NAV3: variants seen among roughly 807,000 people sequenced by gnomAD.
NAV3 encodes pore membrane and/or filament interacting like protein 1.
Under a neutral mutation model 244.7 loss-of-function variants are expected in NAV3, and 87 were observed. The ratio of observed to expected loss-of-function variants is 0.36; its 90% confidence interval spans 0.30 to 0.42. The LOEUF (loss-of-function observed/expected upper bound fraction) is 0.42, where lower values mean the gene tolerates loss of function less well. NAV3 is among the 20% of genes least tolerant of loss of function. The pLI is 1.00. For synonymous variants in NAV3, 1,126 were observed against 1,042.2 expected, an observed-to-expected ratio of 1.08 and a Z score of -1.55; for missense variants, 2,663 against 2,893.3, an observed-to-expected ratio of 0.92 and a Z score of 1.83.
intron 2 of NAV3, among the ~76,000 whole-genome samples, chr12:77,599,516 A>G (rs1031451713): frequency 1.3e-5 from 2 of 151,896 alleles, no homozygotes; most frequent in Non-Finnish European, 2.9e-5. Context: ...GTTTGTTAAA[A>G]TATAATTTTA....
intron 1 of NAV3, among the ~76,000 whole-genome samples, chr12:77,931,584 C>A (rs1888795872): frequency 6.6e-6 from 1 of 151,956 alleles, no homozygotes; most frequent in Admixed American, 6.6e-5. Context: ...TACTTGGAAG[C>A]GGCCAGGTGC....
At chr12:78,083,519 C>A (rs570992666) in intron 12 of NAV3, among the ~76,000 whole-genome samples, 4 of 152,238 alleles carry the variant, frequency 2.6e-5, no homozygotes, top group African/African-American at 9.6e-5. Flanking sequence ...CTTTCTAACA[C>A]TACTGTTATT....
intron 5 of NAV3, among the ~76,000 whole-genome samples, chr12:77,987,852 G>A (rs971532005): frequency 1.3e-5 from 2 of 152,128 alleles, no homozygotes; most frequent in Non-Finnish European, 2.9e-5. Context: ...GAAGGAAGGA[G>A]TCGATTATAT....
intron 11 of NAV3, among the ~76,000 whole-genome samples, chr12:78,053,746 A>G (rs150097385): frequency 6.6e-6 from 1 of 152,222 alleles, no homozygotes; most frequent in Non-Finnish European, 1.5e-5. Context: ...ATTAGAGCTG[A>G]TACAAGAACA....
At chr12:78,010,399 T>C (rs1282428382) in intron 8 of NAV3, among the ~76,000 whole-genome samples, 3 of 152,216 alleles carry the variant, frequency 2.0e-5, no homozygotes, top group Admixed American at 6.5e-5. Context: ...TATTATCATT[T>C]GTTGAGTGCT....
intron 1 of NAV3, among the ~76,000 whole-genome samples, chr12:77,914,974 A>C (rs1886981551): frequency 1.3e-5 from 2 of 151,954 alleles, no homozygotes; most frequent in Admixed American, 1.3e-4. Flanking sequence ...TTAATTTCTA[A>C]AGATCTTTTT....
chr12:77,621,701 A>T (rs1409862802), intron 2 of NAV3, among the ~76,000 whole-genome samples: 1 of 151,712 alleles, frequency 6.6e-6, no homozygotes, highest in African/African-American at 2.4e-5. Flanking sequence ...AATGGTCTTG[A>T]TCTCTTGACC....
At chr12:78,023,079 T>A (rs566518619) in intron 9 of NAV3, among the ~76,000 whole-genome samples, 131 of 152,320 alleles carry the variant, frequency 8.6e-4, no homozygotes, top group African/African-American at 3.1e-3. Flanking sequence ...TATGACCAGA[T>A]GTTTTATAAA....
chr12:77,765,049 A>G (rs1869669512), intron 2 of NAV3, among the ~76,000 whole-genome samples: 1 of 152,244 alleles, frequency 6.6e-6, no homozygotes, highest in Non-Finnish European at 1.5e-5. Flanking sequence ...TTAAAATAGT[A>G]TTTGGAAAGG....
At chr12:77,816,667 G>T (rs1185467699) in intron 2 of NAV3, among the ~76,000 whole-genome samples, 1 of 152,066 alleles carries the variant, frequency 6.6e-6, no homozygotes, top group Non-Finnish European at 1.5e-5. Flanking sequence ...ATCACTTATG[G>T]ATTCAATGTG....
chr12:77,899,265 A>G (rs959037350), intron 1 of NAV3, among the ~76,000 whole-genome samples: 1 of 152,246 alleles, frequency 6.6e-6, no homozygotes, highest in African/African-American at 2.4e-5. Flanking sequence ...TCTAATTTTC[A>G]AAGAAGTTCT....
intron 2 of NAV3, among the ~76,000 whole-genome samples, chr12:77,627,344 C>G (rs1176160283): frequency 6.6e-6 from 1 of 152,008 alleles, no homozygotes; most frequent in Non-Finnish European, 1.5e-5. Context: ...AAACAAAATA[C>G]TTTTTATAAA....
chr12:78,159,327 C>A, intron 23 of NAV3, 41 bp downstream of exon 23: 1 of 1,488,666 alleles, frequency 6.7e-7, no homozygotes, highest in South Asian at 1.1e-5. Flanking sequence ...AAGAAGACAG[C>A]AAATTGCATA....
chr12:77,969,143 TG>T (rs973185596), intron 5 of NAV3, among the ~76,000 whole-genome samples: 6 of 20,754 alleles, frequency 2.9e-4, no homozygotes. Context: ...GTGTTTTTGA[TG>T]TGTGTGTGTG....
chr12:78,065,894 G>A (rs947228297), intron 12 of NAV3, among the ~76,000 whole-genome samples: 3 of 152,138 alleles, frequency 2.0e-5, no homozygotes, highest in African/African-American at 4.8e-5. Flanking sequence ...ACAAAATAAG[G>A]TGATAAGTCT....
At chr12:77,785,889 T>C (rs1870882411) in intron 2 of NAV3, among the ~76,000 whole-genome samples, 1 of 152,220 alleles carries the variant, frequency 6.6e-6, no homozygotes, top group African/African-American at 2.4e-5. Context: ...TTTTACTTCT[T>C]GTTACAAATT....
At chr12:78,063,341 A>G (rs1884567402) in intron 12 of NAV3, among the ~76,000 whole-genome samples, 1 of 152,178 alleles carries the variant, frequency 6.6e-6, no homozygotes, top group Non-Finnish European at 1.5e-5. Context: ...TATAGCTGGC[A>G]GTTAAATATG....
In NAV3 at chr12:78,007,419, C is replaced by G. The variant is rs746896622; in HGVS notation, c.1881C>G (p.Thr627=). ...AGCAGCAACATAGCCACCCGAATAC[C>G]GCGACAGTGGCACCATTCATTTACA... The part of the protein sequence containing the change: ...PQQQQHSHPN[T]ATVAPFIYRA... The change falls in exon 8 of 40, where the codon ACC becomes ACG. Residue 627 remains threonine, a synonymous_variant. Transcript: ENST00000397909. 1.2e-6 allele frequency: 2 copies of G among 1,613,824 alleles called. No homozygotes were observed. Among genetic ancestry groups the G allele is most frequent in the African/African-American group, 1.3e-5 (1 of 75,040 alleles).
chr12:77,738,969 G>A lies in NAV3; in HGVS notation c.72+166703G>A, dbSNP rs556792058. Among the ~76,000 whole-genome samples, 542 of 124,792 alleles carry A rather than the reference G, an allele frequency of 4.3e-3. 3 individuals carry two copies. The highest frequency in any genetic ancestry group is 0.015 in the African/African-American group (505 of 33,216). 81.9% of individuals were successfully genotyped at this position (124,792 alleles called of 152,430 possible). A position where few individuals can be genotyped will look rare whatever the true frequency, so the allele number is the denominator to read the frequency against. On this transcript the variant is annotated intron_variant, in intron 2 of 8. Coordinates refer to the NAV3 transcript ENST00000550042. Reference sequence around the variant, plus strand: ...GGAGCTTGCAGTGAGCCGAGATCGCGCTACTGCACTCCAGCATGGGCGACA... The same window carrying A: ...GGAGCTTGCAGTGAGCCGAGATCGCACTACTGCACTCCAGCATGGGCGACA...
Sources: gnomAD v4.1 joint callset for allele counts (sites outside exome capture counted in the v4.1 genomes callset) on GRCh38, gnomAD v4.1.1 for gene constraint, MANE v1.5 for transcripts, NCBI Gene and HGNC (gene_info 2026-07-23, HGNC 2026-07-21) for gene names.